ARAF: variants seen among roughly 807,000 people sequenced by gnomAD.
ARAF encodes A-Raf proto-oncogene, serine/threonine kinase.
Under a neutral mutation model 48.0 loss-of-function variants are expected in ARAF, and 18 were observed. The ratio of observed to expected loss-of-function variants is 0.37; its 90% CI spans 0.26 to 0.56. The LOEUF (loss-of-function observed/expected upper bound fraction) is 0.56. ARAF is among the 20% of genes least tolerant of loss of function. ARAF has a pLI of 0.77. For missense variants in ARAF, 389 were observed against 543.1 expected, an observed-to-expected ratio of 0.72 and a Z score of 2.82; for synonymous variants, 207 against 220.1, an observed-to-expected ratio of 0.94 and a Z score of 0.53.
At chrX:47,570,839 A>AC (rs755969290) in intron 14 of ARAF, 39 bp from the exon 15 acceptor site, 14 of 1,178,715 alleles carry the variant, frequency 1.2e-5, no homozygotes, top group Non-Finnish European at 1.6e-5. Flanking sequence ...CCAGCCCCTG[A>AC]CCCCAGATCA....
At position 47,565,492 on chromosome X, in the gene ARAF, G is replaced by T. The variant is rs905710224; in HGVS notation, c.557+142G>T. On this transcript the variant is annotated intron_variant, in intron 6 of 15. Transcript: ENST00000377045. ...AAGTGTGAGTAAGGGCATGAAACTG[G>T]GACCTTGGGCAAGTCACCTCATTTC... 54 of 984,533 alleles carry T rather than the reference G, an allele frequency of 5.5e-5. No homozygotes were observed. In the African/African-American group the frequency reaches 9.8e-4, roughly 18 times the overall value. 81.1% of individuals were successfully genotyped at this position (984,533 alleles called of 1,213,427 possible).
chrX:47,571,336 T>C lies in ARAF; in HGVS notation c.1700T>C (p.Ile567Thr). Residue 567 changes from isoleucine to threonine, a missense_variant, in exon 16 of 16, where the codon ATT becomes ACT. Transcript: ENST00000377045. ...RPLFPQILAT[I>T]ELLQRSLPKI... ...ACCTGCCCTCAGATCCTGGCCACAA[T>C]TGAGCTGCTGCAACGGTCACTCCCC... The C allele has an allele frequency of 1.7e-6, 2 of 1,207,939 alleles. No homozygotes were observed. The highest frequency in any genetic ancestry group is 2.2e-6 in the Non-Finnish European group (2 of 894,324).
At position 47,562,936 on chromosome X, in the gene ARAF, C is replaced by T. The variant is rs1226059766; in HGVS notation, c.-32C>T. The T allele has an allele frequency of 9.0e-7, 1 of 1,112,459 alleles. No individual in the cohort carries two copies. The highest frequency in any genetic ancestry group is 1.8e-5 in the African/African-American group (1 of 55,063). The allele number at this position is 1,112,459 out of a possible 1,213,427, so 91.7% of individuals were successfully genotyped here. ...GCCCCATGGCACCTGCCCAGCCCCA[C>T]CTCAGCCCATCTTGACAAAATCTAA... is the stretch of plus-strand genomic sequence containing the variant. On this transcript the variant is annotated 5_prime_UTR_variant, in exon 2 of 16. Coordinates refer to ENST00000377045, the MANE Select transcript of ARAF (RefSeq NM_001654.5).
At chrX:47,566,957 C>G in intron 8 of ARAF, 29 bp from the exon 9 acceptor site, 1 of 1,211,829 alleles carries the variant, frequency 8.3e-7, no homozygotes, top group Non-Finnish European at 1.1e-6. Context: ...CCCCACTTAC[C>G]TCCACTCACA....
chrX:47,564,540 AG>A (rs2057723920), intron 3 of ARAF, among the ~76,000 whole-genome samples: 2 of 112,259 alleles, frequency 1.8e-5, no homozygotes, highest in Admixed American at 1.9e-4. Context: ...TCCGTTTCAG[AG>A]CATGGACTCT....
chrX:47,561,486 G>A (rs983723272), intron 1 of ARAF, among the ~76,000 whole-genome samples: 2 of 111,833 alleles, frequency 1.8e-5, no homozygotes, highest in African/African-American at 3.2e-5. Flanking sequence ...GCTAGTGGTG[G>A]TGCGCCTGCG....
chrX:47,566,639 C>T lies in ARAF; in HGVS notation c.558C>T (p.Ser186=), dbSNP rs752282820. Residue 186 remains serine (S), a splice_region_variant and synonymous_variant, in exon 7 of 16, where the codon AGC becomes AGT. Coordinates refer to ENST00000377045, the MANE Select transcript of ARAF (RefSeq NM_001654.5). ...LNELLTPQGP[S]PRTQHCDPEH... is the part of the protein sequence containing the mutation. Reference sequence around the variant, plus strand: ...GATTTCACAGCCTTTCCCCTGGCAGCCCCCGCACCCAGCACTGTGACCCGG... The same window carrying T: ...GATTTCACAGCCTTTCCCCTGGCAGTCCCCGCACCCAGCACTGTGACCCGG... 8.6e-7 allele frequency: 1 copy of T among 1,162,394 alleles called. No individual in the cohort carries two copies. Among genetic ancestry groups the T allele is most frequent in the Non-Finnish European group, 1.2e-6 (1 of 869,022 alleles).
At chrX:47,564,079 C>T (rs746855375) in intron 3 of ARAF, among the ~76,000 whole-genome samples, 1 of 112,468 alleles carries the variant, frequency 8.9e-6, no homozygotes, top group South Asian at 3.7e-4. Context: ...CAATTTAATA[C>T]TTTCCCACCC....
At position 47,565,252 on chromosome X, in the gene ARAF, G is replaced by A; in HGVS notation, c.459G>A (p.Gln153=). The A allele has an allele frequency of 8.3e-7, 1 of 1,211,395 alleles. No homozygotes were observed. Among genetic ancestry groups the A allele is most frequent in the Non-Finnish European group, 1.1e-6 (1 of 895,415 alleles). Residue 153 remains glutamine, a splice_region_variant and synonymous_variant, in exon 6 of 16, where the codon CAG becomes CAA. Transcript: ENST00000377045. The stretch of plus-strand genomic sequence containing the variant: ...GCTTTATACCCTTCATGCCCTCAAG[G>A]TTCTACCACAGTGTCCAGGATTTGT... ...VCVDMSTNRQ[Q]FYHSVQDLSG... is the part of the protein sequence containing the mutation.
chrX:47,571,139 G>GTT (rs2057754734), intron 15 of ARAF, 127 bp downstream of exon 15: 1 of 955,392 alleles, frequency 1.0e-6, no homozygotes, highest in Non-Finnish European at 1.4e-6. Flanking sequence ...GTGTGTGTGT[G>GTT]TGTTTCACCA....
chrX:47,568,345 G>A (rs950644600), intron 10 of ARAF, among the ~76,000 whole-genome samples: 15 of 110,612 alleles, frequency 1.4e-4, no homozygotes, highest in African/African-American at 4.9e-4. Context: ...AGGAAGGTTG[G>A]CATTCTGCTT....
At chrX:47,569,506 A>C in intron 12 of ARAF, 33 bp from the exon 13 acceptor site, 2 of 1,140,159 alleles carry the variant, frequency 1.8e-6, no homozygotes, top group Non-Finnish European at 2.4e-6. Context: ...CATGGCTATT[A>C]GGAGTCCCTG....
chrX:47,561,924 C>T (rs765133394), intron 1 of ARAF, among the ~76,000 whole-genome samples: 2 of 106,278 alleles, frequency 1.9e-5, no homozygotes, highest in East Asian at 6.0e-4. Flanking sequence ...CCATTACAGT[C>T]CCTAGTGACG....
Sources: gnomAD v4.1 joint callset for allele counts (sites outside exome capture counted in the v4.1 genomes callset) on GRCh38, gnomAD v4.1.1 for gene constraint, MANE v1.5 for transcripts, NCBI Gene and HGNC (gene_info 2026-07-23, HGNC 2026-07-21) for gene names.